FANK1: variants seen among roughly 807,000 people sequenced by gnomAD.
FANK1 encodes fibronectin type III and ankyrin repeat domains 1.
In FANK1, 44 loss-of-function variants were observed where a neutral mutation model predicts 45.3. The observed-to-expected ratio is 0.97, with a 90% CI of 0.76 to 1.25. The LOEUF (loss-of-function observed/expected upper bound fraction) is 1.25. Ranked by LOEUF, FANK1 falls within the 50% of genes most tolerant of loss-of-function variation. FANK1 has a pLI of 0.00. For missense variants in FANK1, 391 were observed against 424.4 expected (o/e 0.92, Z 0.69); for synonymous variants, 149 against 152.5 (o/e 0.98, Z 0.17).
At chr10:125,997,369 C>T in intron 5 of FANK1, 51 bp from the exon 6 acceptor site, 1 of 1,500,670 alleles carries the variant, frequency 6.7e-7, no homozygotes, top group Non-Finnish European at 9.2e-7. Context: ...ATTGTGGGTT[C>T]TGAGTGATCA....
intron 6 of FANK1, among the ~76,000 whole-genome samples, chr10:126,000,875 CAAG>C (rs1456409262): frequency 6.6e-6 from 1 of 152,082 alleles, no homozygotes. Context: ...GCAGTTTACA[CAAG>C]AAGACAATTT....
chr10:126,004,172 A>G (rs905775723), intron 6 of FANK1: 2 of 151,394 alleles, frequency 1.3e-5, no homozygotes, highest in Non-Finnish European at 2.9e-5. Context: ...AAAAAAAAAA[A>G]AAAAAAAAGA....
intron 1 of FANK1, among the ~76,000 whole-genome samples, chr10:125,975,674 G>A (rs1462226600): frequency 1.3e-5 from 2 of 152,158 alleles, no homozygotes; most frequent in Non-Finnish European, 2.9e-5. Context: ...ATGTGTTTAA[G>A]TTCTTTATGG....
intron 1 of FANK1, among the ~76,000 whole-genome samples, chr10:125,943,335 A>G (rs1948573167): frequency 6.6e-6 from 1 of 152,192 alleles, no homozygotes; most frequent in Non-Finnish European, 1.5e-5. Flanking sequence ...CTTTTAAAAT[A>G]TTGACATATA....
At chr10:125,988,893 C>T (rs892886908) in intron 3 of FANK1, 32 of 703,994 alleles carry the variant, frequency 4.5e-5, no homozygotes, top group Non-Finnish European at 6.5e-5. Flanking sequence ...TATTTTTGTG[C>T]CAGAACTGTC....
At chr10:125,901,535 A>T (rs1945036595) in intron 1 of FANK1, among the ~76,000 whole-genome samples, 1 of 152,106 alleles carries the variant, frequency 6.6e-6, no homozygotes, top group African/African-American at 2.4e-5. Flanking sequence ...CAAACTCATC[A>T]CACATCTGAT....
At chr10:126,001,536 C>T (rs1253329104) in intron 6 of FANK1, among the ~76,000 whole-genome samples, 1 of 152,072 alleles carries the variant, frequency 6.6e-6, no homozygotes, top group Non-Finnish European at 1.5e-5. Flanking sequence ...AGTGGGATGC[C>T]CTGCAGGGCT....
chr10:125,991,391 T>C (rs528661326), intron 3 of FANK1, among the ~76,000 whole-genome samples: 4 of 152,206 alleles, frequency 2.6e-5, no homozygotes, highest in Admixed American at 2.6e-4. Flanking sequence ...GGATCAGGTG[T>C]CCTCCTCCTC....
intron 1 of FANK1, among the ~76,000 whole-genome samples, chr10:125,960,999 G>A (rs1479337643): frequency 6.6e-6 from 1 of 152,190 alleles, no homozygotes; most frequent in East Asian, 1.9e-4. Context: ...CTACAAAGCT[G>A]TAGTAATGAA....
At chr10:125,990,072 C>T (rs1050077559) in intron 3 of FANK1, among the ~76,000 whole-genome samples, 1 of 152,224 alleles carries the variant, frequency 6.6e-6, no homozygotes, top group South Asian at 2.1e-4. Context: ...ATGGCAGGGG[C>T]GATTCCTCGT....
chr10:125,913,003 C>A (rs957740175), intron 1 of FANK1, among the ~76,000 whole-genome samples: 2 of 152,188 alleles, frequency 1.3e-5, no homozygotes, highest in African/African-American at 4.8e-5. Context: ...TCAAAGAAAC[C>A]ACAAAATTAT....
intron 1 of FANK1, among the ~76,000 whole-genome samples, chr10:125,933,164 T>A (rs1439766528): frequency 1.3e-5 from 2 of 152,178 alleles, no homozygotes; most frequent in East Asian, 3.8e-4. Flanking sequence ...TAGTTTTCTT[T>A]TCTGGTTATG....
At chr10:125,919,871 T>G (rs1946819738) in intron 1 of FANK1, among the ~76,000 whole-genome samples, 1 of 152,236 alleles carries the variant, frequency 6.6e-6, no homozygotes, top group African/African-American at 2.4e-5. Context: ...TGATTCCTCG[T>G]TTCACCAAAC....
chr10:125,981,446 A>C (rs1007080292), intron 2 of FANK1, among the ~76,000 whole-genome samples: 8 of 148,624 alleles, frequency 5.4e-5, no homozygotes, highest in African/African-American at 2.0e-4. Flanking sequence ...GCAGTGAGCC[A>C]TGATTGTGCC....
intron 1 of FANK1, among the ~76,000 whole-genome samples, chr10:125,951,572 GT>G (rs1399321530): frequency 6.6e-6 from 1 of 152,180 alleles, no homozygotes; most frequent in Non-Finnish European, 1.5e-5. Context: ...TCTGTTGGGA[GT>G]ATTCTGATTC....
Position 126,009,356 on chromosome 10 carries a change from CTGTTT to C in FANK1, c.973-11_973-7del, listed in dbSNP as rs1953491820. On this transcript the variant is annotated splice_polypyrimidine_tract_variant and intron_variant, in intron 10 of 10. Transcript: ENST00000368693. Reference sequence around the variant, plus strand: ...AAAACCCTGGATTACATTCGCCTGTCTGTTTTGTTTATCTAGAGTGTAGTCTCCTT... The same window carrying C: ...AAAACCCTGGATTACATTCGCCTGTCTGTTTATCTAGAGTGTAGTCTCCTT... 2 of 1,613,982 alleles carry C rather than the reference CTGTTT, an allele frequency of 1.2e-6. No individual in the cohort carries two copies. The highest frequency in any genetic ancestry group is 1.3e-5 in the African/African-American group (1 of 74,998).
chr10:125,917,728 C>T (rs1425405832), intron 1 of FANK1, among the ~76,000 whole-genome samples: 3 of 152,264 alleles, frequency 2.0e-5, no homozygotes, highest in Non-Finnish European at 2.9e-5. Context: ...AAATATTTTT[C>T]CTCCCTTACA....
Position 125,970,685 on chromosome 10 carries a change from G to A in FANK1, c.14-9476G>A, listed in dbSNP as rs901724624. Among the ~76,000 whole-genome samples the A allele has an allele frequency of 6.6e-5, 10 of 152,290 alleles. No individual in the cohort carries two copies. The South Asian group carries it at 1.2e-3, about 19-fold the overall frequency. On this transcript the variant is annotated intron_variant, in intron 1 of 10. Coordinates refer to ENST00000368693, the MANE Select transcript of FANK1 (RefSeq NM_145235.5). ...AAAAACCAGTCAGGCGTGACAGCGCGCGCCTGCAATCCCAGGCACTCGGCA... is the reference window on the plus strand; with the variant it reads ...AAAAACCAGTCAGGCGTGACAGCGCACGCCTGCAATCCCAGGCACTCGGCA...
chr10:125,977,446 C>A (rs1210752625), intron 1 of FANK1, among the ~76,000 whole-genome samples: 1 of 152,138 alleles, frequency 6.6e-6, no homozygotes, highest in Non-Finnish European at 1.5e-5. Flanking sequence ...TGTTTGGTTG[C>A]GTGGCTCCCC....
Sources: allele counts gnomAD v4.1 joint callset (sites outside exome capture counted in the v4.1 genomes callset), GRCh38; gene constraint gnomAD v4.1.1; transcripts MANE v1.5; gene names NCBI Gene and HGNC (gene_info 2026-07-23, HGNC 2026-07-21).